Variants in SETX observed in about 807,000 individuals in gnomAD.
The protein encoded by SETX is senataxin.
SETX carries 90 observed loss-of-function variants against 227.2 expected under a neutral mutation model. The ratio of observed to expected loss-of-function variants is 0.40; its 90% CI spans 0.33 to 0.47. The LOEUF is 0.47. SETX is among the 20% of genes least tolerant of loss of function. The probability of loss-of-function intolerance (pLI) is 0.91; values close to 1 mark genes in which losing one functional copy is unlikely to be tolerated. For synonymous variants in SETX, 1,210 were observed against 1,113.2 expected (o/e 1.09, Z -1.73); for missense variants, 3,052 against 3,181.5 (o/e 0.96, Z 0.98).
chr9:132,311,573 T>C (rs1398684989), intron 11 of SETX, among the ~76,000 whole-genome samples, 184 bp downstream of exon 11: 1 of 152,144 alleles, frequency 6.6e-6, no homozygotes, highest in African/African-American at 2.4e-5. Flanking sequence ...AAAAAAATCA[T>C]AAATTTTACA....
At chr9:132,273,164 G>A (rs199971246) in intron 23 of SETX, among the ~76,000 whole-genome samples, 1 of 149,348 alleles carries the variant, frequency 6.7e-6, no homozygotes, top group South Asian at 2.1e-4. Context: ...TATTTAGGTG[G>A]TTTTTTTTTT....
chr9:132,267,278 G>A (rs1336411235), intron 25 of SETX, among the ~76,000 whole-genome samples: 5 of 152,210 alleles, frequency 3.3e-5, no homozygotes, highest in Admixed American at 2.6e-4. Context: ...TGGAGGGAGC[G>A]CCAGGCTCTG....
Position 132,271,465 on chromosome 9 carries a change from T to C in SETX, c.7199+245A>G, listed in dbSNP as rs570961500. 1.4e-3 allele frequency among the ~76,000 whole-genome samples: 212 copies of C among 152,280 alleles called. 1 individual carries two copies. The highest frequency in any genetic ancestry group is 4.7e-3 in the African/African-American group (195 of 41,554). ...CTGTAGTCCCAGCTACTCGGGAGGC[T>C]GATGCAGAAGAATCGCTTGAACCCA... On this transcript the variant is annotated intron_variant, in intron 24 of 25. Coordinates refer to ENST00000224140, the MANE Select transcript of SETX (RefSeq NM_015046.7).
chr9:132,335,200 C>A (rs954102293), intron 6 of SETX, among the ~76,000 whole-genome samples: 3 of 151,554 alleles, frequency 2.0e-5, no homozygotes, highest in Non-Finnish European at 2.9e-5. Context: ...ACCATCCTGG[C>A]TAACATGGTG....
intron 14 of SETX, 108 bp from the exon 15 acceptor site, chr9:132,296,136 TC>T: frequency 7.4e-7 from 1 of 1,354,264 alleles, no homozygotes; most frequent in East Asian, 2.3e-5. Context: ...TTGAAAGTTC[TC>T]GTAATAAAGT....
At chr9:132,265,219 C>CTTT (rs1159856237) in intron 25 of SETX, among the ~76,000 whole-genome samples, 4 of 128,506 alleles carry the variant, frequency 3.1e-5, no homozygotes, top group African/African-American at 9.9e-5. Flanking sequence ...AGAACTTCAA[C>CTTT]TTTTGTTTTT....
chr9:132,317,700 C>T (rs982807135), intron 10 of SETX, among the ~76,000 whole-genome samples: 3 of 151,906 alleles, frequency 2.0e-5, no homozygotes, highest in African/African-American at 4.8e-5. Flanking sequence ...CAGGCTCAAA[C>T]GATCCTCTGG....
intron 23 of SETX, among the ~76,000 whole-genome samples, chr9:132,274,588 C>T (rs1018724834): frequency 6.6e-6 from 1 of 151,734 alleles, no homozygotes; most frequent in African/African-American, 2.4e-5. Flanking sequence ...ACTACGGGAG[C>T]GCGCCACCAC....
At chr9:132,334,255 GACCA>G (rs1847449110) in intron 7 of SETX, among the ~76,000 whole-genome samples, 1 of 152,194 alleles carries the variant, frequency 6.6e-6, no homozygotes, top group Non-Finnish European at 1.5e-5. Flanking sequence ...AGACCAGCCT[GACCA>G]ACGTGGTGAA....
chr9:132,329,273 G>A lies in SETX; in HGVS notation c.2325C>T (p.Thr775=). The change falls in exon 10 of 26, where the codon ACC becomes ACT. Residue 775 remains threonine, a synonymous_variant. Transcript: ENST00000224140. ...FSLKDDALAK[T]SKRKTKVQKD... is the part of the protein sequence containing the mutation. ...TCTGTACCTTAGTTTTTCGTTTTGA[G>A]GTTTTAGCAAGAGCATCATCCTTTA... 1 of 1,613,576 alleles carries A rather than the reference G, an allele frequency of 6.2e-7. No homozygotes were observed. Among genetic ancestry groups the A allele is most frequent in the Admixed American group, 1.7e-5 (1 of 59,952 alleles).
chr9:132,335,207 G>T (rs1386315373), intron 6 of SETX, among the ~76,000 whole-genome samples: 2 of 151,704 alleles, frequency 1.3e-5, no homozygotes, highest in East Asian at 3.9e-4. Context: ...TGGCTAACAT[G>T]GTGAAACCCC....
chr9:132,290,436 G>A (rs766803107), intron 15 of SETX, among the ~76,000 whole-genome samples: 12 of 151,526 alleles, frequency 7.9e-5, no homozygotes, highest in African/African-American at 2.7e-4. Context: ...TTAGCTGGAC[G>A]TAGTGGCACA....
Position 132,263,932 on chromosome 9 carries a change from T to C in SETX, c.*307A>G, listed in dbSNP as rs1842503307. On this transcript the variant is annotated 3_prime_UTR_variant, in exon 26 of 26. Transcript: ENST00000224140. ...GATTTTGTTATTTGCTATACAAATA[T>C]ACATTTCAACTTTTACAACATTCAC... is the stretch of plus-strand genomic sequence containing the variant. 1.0e-5 allele frequency: 4 copies of C among 393,798 alleles called. No homozygotes were observed. Among genetic ancestry groups the C allele is most frequent in the East Asian group, 5.1e-5 (1 of 19,796 alleles). 24.4% of individuals were successfully genotyped at this position (393,798 alleles called of 1,614,324 possible).
intron 7 of SETX, among the ~76,000 whole-genome samples, chr9:132,333,855 G>A (rs1462363206): frequency 6.6e-6 from 1 of 152,098 alleles, no homozygotes; most frequent in Non-Finnish European, 1.5e-5. Context: ...TGTGGCCATT[G>A]AGCCTTGAAA....
intron 4 of SETX, among the ~76,000 whole-genome samples, chr9:132,344,141 T>C (rs892692415): frequency 1.3e-5 from 2 of 152,148 alleles, no homozygotes; most frequent in African/African-American, 4.8e-5. Flanking sequence ...AAATATGGTA[T>C]TTTTGATTCC....
intron 10 of SETX, among the ~76,000 whole-genome samples, chr9:132,314,129 G>C (rs746385274): frequency 3.9e-5 from 6 of 152,020 alleles, no homozygotes; most frequent in Non-Finnish European, 8.8e-5. Context: ...TTTCGGTCTT[G>C]TTGCCCAGGC....
Position 132,327,125 on chromosome 9 carries a change from T to C in SETX, c.4473A>G (p.Ala1491=). ...KEGEPDSSSD[A]EEDNLFLTQN... is the part of the protein sequence containing the mutation. The stretch of plus-strand genomic sequence containing the variant: ...GGGTTAAAAATAAGTTATCTTCCTC[T>C]GCATCACTGCTGGAGTCAGGCTCTC... The change falls in exon 10 of 26, where the codon GCA becomes GCG. Residue 1491 remains alanine (A), a synonymous_variant. Transcript: ENST00000224140. 6.2e-7 allele frequency: 1 copy of C among 1,614,232 alleles called. No homozygotes were observed. The highest frequency in any genetic ancestry group is 8.5e-7 in the Non-Finnish European group (1 of 1,180,048).
At chr9:132,289,203 G>A (rs1158385796) in intron 15 of SETX, among the ~76,000 whole-genome samples, 1 of 152,148 alleles carries the variant, frequency 6.6e-6, no homozygotes, top group Middle Eastern at 3.2e-3. Flanking sequence ...CAAGGAGAAA[G>A]ATACTCCTTT....
rs1426411222 is a variant in SETX, at chr9:132,327,482, A to C, written c.4116T>G (p.Asp1372Glu). ...CTGTATGTGACCCTGCTCTTTTAAC[A>C]TCTGTACTTTCACAATCAGAAAGTC... ...RRRLSDCEST[D>E]VKRAGSHTAQ... is the part of the protein sequence containing the mutation. The change falls in exon 10 of 26, where the codon GAT (aspartate) becomes GAG (glutamate). Residue 1372 changes from aspartate to glutamate, a missense_variant. Physicochemically the swap from Asp to Glu is conservative, Grantham distance 45. This residue lies in a region of SETX where 1,483 missense variants were observed against 1,312.0 expected (regional missense o/e 1.13). Coordinates refer to ENST00000224140, the MANE Select transcript of SETX (RefSeq NM_015046.7). 1 of 1,614,122 alleles carries C rather than the reference A, an allele frequency of 6.2e-7. No homozygotes were observed. The highest frequency in any genetic ancestry group is 8.5e-7 in the Non-Finnish European group (1 of 1,180,038).
Sources: allele counts gnomAD v4.1 joint callset (sites outside exome capture counted in the v4.1 genomes callset), GRCh38; gene constraint gnomAD v4.1.1; regional missense constraint gnomAD v4.1.1; transcripts MANE v1.5; gene names NCBI Gene and HGNC (gene_info 2026-07-23, HGNC 2026-07-21).